The following ADAMTS16 variants were observed in gnomAD, a reference collection of about 807,000 sequenced individuals.
ADAMTS16 encodes A disintegrin and metalloproteinase with thrombospondin motifs 16.
In ADAMTS16, 94 loss-of-function variants were observed where a neutral mutation model predicts 145.8. The observed-to-expected ratio is 0.64, with a 90% CI of 0.55 to 0.77. The LOEUF is 0.77. Ranked by LOEUF, ADAMTS16 falls within the 30% of genes least tolerant of loss-of-function variation. The pLI, the probability that ADAMTS16 is intolerant of heterozygous loss-of-function variation, is 0.00. For synonymous variants in ADAMTS16, 659 were observed against 604.3 expected (o/e 1.09, Z -1.33); for missense variants, 1,585 against 1,591.5 (o/e 1.00, Z 0.07).
intron 18 of ADAMTS16, among the ~76,000 whole-genome samples, chr5:5,271,487 C>T (rs901874933): frequency 2.0e-5 from 3 of 152,248 alleles, no homozygotes; most frequent in Non-Finnish European, 2.9e-5. Context: ...CCGCGGCTGC[C>T]CCGCCCCCAT....
At chr5:5,313,784 G>A (rs567250056) in intron 21 of ADAMTS16, among the ~76,000 whole-genome samples, 3 of 152,384 alleles carry the variant, frequency 2.0e-5, no homozygotes, top group African/African-American at 4.8e-5. Flanking sequence ...GCCTGCGTGT[G>A]TACGCAAACA....
At chr5:5,267,694 G>A (rs925992005) in intron 18 of ADAMTS16, among the ~76,000 whole-genome samples, 44 of 152,164 alleles carry the variant, frequency 2.9e-4, no homozygotes, top group Admixed American at 9.2e-4. Context: ...GGGCCTCAGG[G>A]TTTTTATAGG....
chr5:5,183,485 A>C (rs1560938103), intron 4 of ADAMTS16, among the ~76,000 whole-genome samples: 1 of 152,208 alleles, frequency 6.6e-6, no homozygotes, highest in Admixed American at 6.5e-5. Context: ...TCCGTATGCC[A>C]GGGAGAGGAA....
At chr5:5,185,476 A>G (rs1349209785) in intron 4 of ADAMTS16, among the ~76,000 whole-genome samples, 1 of 152,252 alleles carries the variant, frequency 6.6e-6, no homozygotes, top group Non-Finnish European at 1.5e-5. Context: ...TTCTAATCAA[A>G]TACATAAATA....
At chr5:5,220,660 A>G (rs899728534) in intron 10 of ADAMTS16, among the ~76,000 whole-genome samples, 3 of 152,098 alleles carry the variant, frequency 2.0e-5, no homozygotes, top group African/African-American at 7.2e-5. Context: ...CCTTTACTTC[A>G]GGTGCCAGGC....
At chr5:5,162,759 AGAGAGGAGAG>A (rs10545197) in intron 3 of ADAMTS16, among the ~76,000 whole-genome samples, 48 of 150,208 alleles carry the variant, frequency 3.2e-4, no homozygotes, top group African/African-American at 7.9e-4. Flanking sequence ...AGAGAAGAGA[AGAGAGGAGAG>A]GAGAGGAGAG....
intron 17 of ADAMTS16, among the ~76,000 whole-genome samples, chr5:5,251,704 G>A (rs1039486488): frequency 6.6e-6 from 1 of 152,192 alleles, no homozygotes; most frequent in Admixed American, 6.5e-5. Flanking sequence ...CAGAAATCTT[G>A]TGGAAGAGTA....
At chr5:5,191,065 G>A (rs1048174796) in intron 7 of ADAMTS16, among the ~76,000 whole-genome samples, 2 of 152,164 alleles carry the variant, frequency 1.3e-5, no homozygotes, top group African/African-American at 2.4e-5. Flanking sequence ...TCATTGCCAC[G>A]ACTCATTGCT....
chr5:5,203,387 C>A (rs1224957034), intron 9 of ADAMTS16, among the ~76,000 whole-genome samples: 1 of 152,168 alleles, frequency 6.6e-6, no homozygotes, highest in Non-Finnish European at 1.5e-5. Context: ...CTGTTATATT[C>A]TCCACCAATT....
At chr5:5,193,169 G>A (rs925030967) in intron 8 of ADAMTS16, among the ~76,000 whole-genome samples, 28 of 139,134 alleles carry the variant, frequency 2.0e-4, no homozygotes, top group East Asian at 2.0e-3. Context: ...GTGTGCGCGC[G>A]CGCACATATA....
At position 5,303,299 on chromosome 5, in the gene ADAMTS16, C is replaced by G; in HGVS notation, c.2821C>G (p.Arg941Gly). The change falls in exon 19 of 23, where the codon CGG becomes GGG. Residue 941 changes from arginine (R) to glycine (G), a missense_variant. Physicochemically the swap from Arg to Gly is moderately radical, Grantham distance 125. This residue lies in a region of ADAMTS16 where 834 missense variants were observed against 811.7 expected (regional missense o/e 1.03). Coordinates refer to ENST00000274181, the MANE Select transcript of ADAMTS16 (RefSeq NM_139056.4). ...WSVGNWSACSRTCGGGAQSRP... is the reference protein window; with the variant it reads ...WSVGNWSACSGTCGGGAQSRP... ...CGTGGGGAACTGGAGTGCCTGCAGT[C>G]GGACGTGTGGCGGGGGTGCCCAGAG... 6.3e-7 allele frequency: 1 copy of G among 1,591,818 alleles called. No homozygotes were observed. Among genetic ancestry groups the G allele is most frequent in the Non-Finnish European group, 8.6e-7 (1 of 1,167,024 alleles).
chr5:5,211,239 A>G lies in ADAMTS16; in HGVS notation c.1605+1993A>G, dbSNP rs1291978732. Among the ~76,000 whole-genome samples the G allele has an allele frequency of 3.9e-5, 6 of 152,146 alleles. No homozygotes were observed. In the East Asian group the frequency reaches 1.2e-3, roughly 29 times the overall value. ...AAAGGTTTTTGTAATTACTGATTCA[A>G]CTACACTAATAGATAAAGGGTTATT... On this transcript the variant is annotated intron_variant, in intron 10 of 22. Coordinates refer to ENST00000274181, the MANE Select transcript of ADAMTS16 (RefSeq NM_139056.4).
At chr5:5,299,367 A>C (rs7706744) in intron 18 of ADAMTS16, among the ~76,000 whole-genome samples, 112,369 of 151,552 alleles carry the variant, frequency 0.74, 41,938 homozygotes, top group South Asian at 0.82. Flanking sequence ...TCGGGCCCAG[A>C]CCAGGGCTGG....
At chr5:5,166,243 TCACACA>T (rs141620778) in intron 3 of ADAMTS16, among the ~76,000 whole-genome samples, 2 of 149,556 alleles carry the variant, frequency 1.3e-5, no homozygotes, top group Non-Finnish European at 1.5e-5. Flanking sequence ...CCACTCACCA[TCACACA>T]CACACACACA....
chr5:5,146,769 T>C (rs1424764715), intron 3 of ADAMTS16, among the ~76,000 whole-genome samples: 3 of 152,214 alleles, frequency 2.0e-5, no homozygotes, highest in Non-Finnish European at 2.9e-5. Flanking sequence ...GGGATGTTTT[T>C]ACTCTAACTT....
At chr5:5,282,606 C>A (rs1429804071) in intron 18 of ADAMTS16, among the ~76,000 whole-genome samples, 1 of 152,190 alleles carries the variant, frequency 6.6e-6, no homozygotes, top group African/African-American at 2.4e-5. Flanking sequence ...AGCTTACTCC[C>A]CAACAGGGAA....
At chr5:5,258,852 T>A (rs2913653) in intron 17 of ADAMTS16, among the ~76,000 whole-genome samples, 151,491 of 151,818 alleles carry the variant, frequency 1, 75,582 homozygotes, top group Middle Eastern at 1. Flanking sequence ...ATATATATAA[T>A]TTTTTTTAGT....
At chr5:5,290,132 G>A (rs1579385263) in intron 18 of ADAMTS16, among the ~76,000 whole-genome samples, 2 of 152,184 alleles carry the variant, frequency 1.3e-5, no homozygotes, top group South Asian at 4.1e-4. Context: ...AAAATGGCTT[G>A]TCTTCAGGAT....
intron 17 of ADAMTS16, among the ~76,000 whole-genome samples, chr5:5,253,088 T>C (rs145388527): frequency 1.3e-5 from 2 of 152,342 alleles, no homozygotes; most frequent in Non-Finnish European, 2.9e-5. Context: ...CTTCCTTCTT[T>C]GCTTTTCAGT....
Sources: gnomAD v4.1 joint callset for allele counts (sites outside exome capture counted in the v4.1 genomes callset) on GRCh38, gnomAD v4.1.1 for gene constraint, gnomAD v4.1.1 regional missense constraint, MANE v1.5 for transcripts, NCBI Gene and HGNC (gene_info 2026-07-23, HGNC 2026-07-21) for gene names.